CNOT2: variants seen among roughly 807,000 people sequenced by gnomAD.
CNOT2 encodes the protein CCR4-NOT transcription complex subunit 2.
A neutral mutation model predicts 72.1 loss-of-function variants in CNOT2; 7 were observed. That is an observed-to-expected ratio of 0.10 (90% CI 0.06 to 0.18). The LOEUF is 0.18. CNOT2 is among the 10% of genes least tolerant of loss of function. The pLI is 1.00. For synonymous variants in CNOT2, 196 were observed against 225.6 expected, an observed-to-expected ratio of 0.87 and a Z score of 1.17; for missense variants, 345 against 660.3, an observed-to-expected ratio of 0.52 and a Z score of 5.23.
chr12:70,338,923 G>T, intron 11 of CNOT2, 101 bp downstream of exon 11: 4 of 938,166 alleles, frequency 4.3e-6, no homozygotes, highest in Non-Finnish European at 6.5e-6. Flanking sequence ...GCTACTCATT[G>T]TTAACCTGCT....
chr12:70,248,107 G>A (rs903960319), intron 1 of CNOT2, among the ~76,000 whole-genome samples: 7 of 152,054 alleles, frequency 4.6e-5, no homozygotes, highest in African/African-American at 1.7e-4. Flanking sequence ...TATGGTTATG[G>A]CTATTATGTG....
chr12:70,293,804 T>TACACAAGTGTACAA (rs1452994688), intron 2 of CNOT2, among the ~76,000 whole-genome samples: 1 of 151,294 alleles, frequency 6.6e-6, no homozygotes, highest in African/African-American at 2.4e-5. Flanking sequence ...GTACAAGGAG[T>TACACAAGTGTACAA]GGATAGGCAC....
chr12:70,347,735 G>A (rs893295404), intron 15 of CNOT2: 11 of 151,804 alleles, frequency 7.2e-5, no homozygotes, highest in African/African-American at 2.7e-4. Flanking sequence ...AGTGGTAAAT[G>A]TCTTTACTTC....
At chr12:70,319,512 C>A in intron 4 of CNOT2, 148 bp downstream of exon 4, 1 of 695,330 alleles carries the variant, frequency 1.4e-6, no homozygotes, top group Non-Finnish European at 2.4e-6. Context: ...ATTTTACTTA[C>A]ATAGCAAAAC....
chr12:70,315,790 A>G (rs1455527318), intron 3 of CNOT2, among the ~76,000 whole-genome samples: 2 of 152,186 alleles, frequency 1.3e-5, no homozygotes, highest in African/African-American at 4.8e-5. Context: ...TCAGCATTCT[A>G]TTAATCTTTT....
At chr12:70,317,443 G>C (rs1593218425) in intron 3 of CNOT2, among the ~76,000 whole-genome samples, 1 of 151,866 alleles carries the variant, frequency 6.6e-6, no homozygotes, top group Admixed American at 6.6e-5. Context: ...AGTTAATGCA[G>C]TAACAGTAAT....
chr12:70,243,771 G>C (rs1159963890), intron 1 of CNOT2: 1 of 152,414 alleles, frequency 6.6e-6, no homozygotes, highest in Non-Finnish European at 1.5e-5. Flanking sequence ...GGCCGCTGCA[G>C]CAGCAGCAGC....
chr12:70,337,690 C>T (rs1272983716), intron 9 of CNOT2, 177 bp downstream of exon 9: 9 of 713,230 alleles, frequency 1.3e-5, no homozygotes, highest in Admixed American at 9.6e-5. Context: ...CTATTTTTTT[C>T]CTATTTCATA....
intron 13 of CNOT2, among the ~76,000 whole-genome samples, chr12:70,343,476 T>C (rs906646469): frequency 1.3e-5 from 2 of 152,172 alleles, no homozygotes; most frequent in Admixed American, 6.5e-5. Context: ...CTTTCAGACA[T>C]CTATTTAAAC....
At chr12:70,320,790 T>C (rs1878167666) in intron 4 of CNOT2, among the ~76,000 whole-genome samples, 1 of 151,696 alleles carries the variant, frequency 6.6e-6, no homozygotes, top group African/African-American at 2.4e-5. Context: ...TGGAGAAAAA[T>C]TGTATTTGAG....
At chr12:70,317,517 G>A (rs138140488) in intron 3 of CNOT2, among the ~76,000 whole-genome samples, 2 of 150,618 alleles carry the variant, frequency 1.3e-5, no homozygotes, top group Non-Finnish European at 3.0e-5. Context: ...AATTGGGAAA[G>A]AATATATAGT....
At chr12:70,319,720 CTG>C (rs35176886) in intron 4 of CNOT2, among the ~76,000 whole-genome samples, 6,833 of 148,956 alleles carry the variant, frequency 0.046, 632 homozygotes, top group East Asian at 0.43. Flanking sequence ...ACTGGCTACT[CTG>C]TGTGTGTGTG....
intron 2 of CNOT2, among the ~76,000 whole-genome samples, chr12:70,301,330 A>G (rs1873929123): frequency 6.6e-6 from 1 of 152,130 alleles, no homozygotes; most frequent in South Asian, 2.1e-4. Flanking sequence ...CAGTTTTTGT[A>G]CATTCACTGT....
chr12:70,300,495 G>GT (rs1345000384), intron 2 of CNOT2, among the ~76,000 whole-genome samples: 1 of 152,180 alleles, frequency 6.6e-6, no homozygotes, highest in East Asian at 1.9e-4. Flanking sequence ...CCCATTGCTT[G>GT]TTTTTGTCAG....
chr12:70,328,251 G>A (rs1185244547), intron 4 of CNOT2, among the ~76,000 whole-genome samples: 1 of 151,904 alleles, frequency 6.6e-6, no homozygotes, highest in East Asian at 1.9e-4. Context: ...AACGATCAGT[G>A]AGATACTCGC....
intron 2 of CNOT2, among the ~76,000 whole-genome samples, chr12:70,304,983 A>T (rs1370378007): frequency 2.0e-5 from 3 of 152,140 alleles, no homozygotes; most frequent in African/African-American, 7.2e-5. Flanking sequence ...CAGGTGCGGG[A>T]TATAATCTGG....
At chr12:70,286,566 C>T (rs779657871) in intron 2 of CNOT2, among the ~76,000 whole-genome samples, 3 of 149,864 alleles carry the variant, frequency 2.0e-5, no homozygotes, top group Non-Finnish European at 4.4e-5. Flanking sequence ...TCTTTATATG[C>T]ATGGATTTCT....
chr12:70,266,023 G>T (rs111859988), intron 1 of CNOT2, among the ~76,000 whole-genome samples: 2,325 of 144,636 alleles, frequency 0.016, 64 homozygotes, highest in African/African-American at 0.056. Flanking sequence ...TTTTTTAAAA[G>T]AACTAAGATG....
intron 1 of CNOT2, among the ~76,000 whole-genome samples, chr12:70,262,576 A>G (rs1184680661): frequency 6.6e-6 from 1 of 152,196 alleles, no homozygotes; most frequent in East Asian, 1.9e-4. Flanking sequence ...CGCCCGGCCT[A>G]ATTACATAAT....
Sources: gnomAD v4.1 joint callset for allele counts (sites outside exome capture counted in the v4.1 genomes callset) on GRCh38, gnomAD v4.1.1 for gene constraint, MANE v1.5 for transcripts, NCBI Gene and HGNC (gene_info 2026-07-23, HGNC 2026-07-21) for gene names.